The following CELF2 variants were observed in gnomAD, a reference collection of about 807,000 sequenced individuals.
CELF2 encodes CUG triplet repeat RNA-binding protein 2.
A neutral mutation model predicts 62.6 loss-of-function variants in CELF2; 8 were observed. The observed-to-expected ratio is 0.13, with a 90% CI of 0.07 to 0.23. The LOEUF is 0.23. Ranked by LOEUF, CELF2 falls within the 10% of genes least tolerant of loss-of-function variation. The probability of loss-of-function intolerance (pLI) is 1.00; values close to 1 mark genes in which losing one functional copy is unlikely to be tolerated. For synonymous variants in CELF2, 258 were observed against 250.0 expected (o/e 1.03, Z -0.30); for missense variants, 333 against 671.0 (o/e 0.50, Z 5.56).
intron 2 of CELF2, among the ~76,000 whole-genome samples, chr10:11,179,278 T>C (rs954240249): frequency 1.6e-5 from 2 of 128,552 alleles, no homozygotes; most frequent in Non-Finnish European, 3.3e-5. Context: ...AATACTGTAC[T>C]GTTAAAAAAA....
the CELF2 span, among the ~76,000 whole-genome samples, chr10:10,559,771 A>G: frequency 6.6e-6 from 1 of 152,252 alleles, no homozygotes; most frequent in Non-Finnish European, 1.5e-5. Flanking sequence ...AGCAAAGCCA[A>G]ATTCCCTTCA....
intron 2 of CELF2, among the ~76,000 whole-genome samples, chr10:10,999,181 C>T (rs779578360): frequency 1.2e-4 from 18 of 152,112 alleles, no homozygotes; most frequent in South Asian, 2.1e-4. Context: ...ACAAATTGTG[C>T]GATACAGCTG....
intron 9 of CELF2, among the ~76,000 whole-genome samples, chr10:11,312,726 C>T (rs1391228397): frequency 6.6e-6 from 1 of 152,120 alleles, no homozygotes; most frequent in Non-Finnish European, 1.5e-5. Context: ...ACGAGGTCAA[C>T]AGATTGAGGC....
In CELF2 at chr10:10,961,400, G is replaced by C. The variant is rs552276757; in HGVS notation, c.89+41401G>C. Among the ~76,000 whole-genome samples, 10 of 152,162 alleles carry C rather than the reference G, an allele frequency of 6.6e-5. No homozygotes were observed. In the South Asian group the frequency reaches 1.9e-3, roughly 28 times the overall value. ...ATATTCTCATCCAGGTGAATTTCTT[G>C]GTTTTAAAAATTAAAACAATGGTCT... On this transcript the variant is annotated intron_variant, in intron 2 of 13. Transcript: ENST00000636488.
At chr10:11,090,406 G>C (rs533643291) in intron 1 of CELF2, among the ~76,000 whole-genome samples, 38 of 151,992 alleles carry the variant, frequency 2.5e-4, no homozygotes, top group Non-Finnish European at 4.9e-4. Context: ...TGGATATGCT[G>C]CTTTTATGTA....
intron 2 of CELF2, among the ~76,000 whole-genome samples, chr10:11,215,564 T>C (rs1394760737): frequency 6.6e-6 from 1 of 150,840 alleles, no homozygotes; most frequent in African/African-American, 2.4e-5. Context: ...TTCCCAAAAG[T>C]TACCTGCCTG....
At chr10:11,148,361 T>C (rs1244162256) in intron 1 of CELF2, among the ~76,000 whole-genome samples, 2 of 152,246 alleles carry the variant, frequency 1.3e-5, no homozygotes, top group Non-Finnish European at 2.9e-5. Flanking sequence ...GCATTGCTTT[T>C]GCTGACTGGT....
In CELF2 at chr10:11,285,602, C is replaced by G. The variant is rs984241328; in HGVS notation, c.842-2816C>G. Among the ~76,000 whole-genome samples, 61 of 152,224 alleles carry G rather than the reference C, an allele frequency of 4.0e-4. No homozygotes were observed. The highest frequency in any genetic ancestry group is 1.4e-3 in the African/African-American group (58 of 41,518). On this transcript the variant is annotated intron_variant, in intron 8 of 12. Transcript: ENST00000633077. This position sits in a 1 kb window ranked among gnomAD's most constrained non-coding sequence, Gnocchi z 4.3. ...GTGAGAGAAGGACTAAACATGGGCCCTAGTAAGTATCTGTACAGTGGATTA... is the reference window on the plus strand; with the variant it reads ...GTGAGAGAAGGACTAAACATGGGCCGTAGTAAGTATCTGTACAGTGGATTA...
the CELF2 span, among the ~76,000 whole-genome samples, chr10:10,471,067 C>A: frequency 6.6e-6 from 1 of 151,242 alleles, no homozygotes; most frequent in African/African-American, 2.4e-5. Context: ...TAGGGCCATT[C>A]TAGATGTTTC....
chr10:10,577,354 A>T, the CELF2 span, among the ~76,000 whole-genome samples: 1 of 130,726 alleles, frequency 7.6e-6, no homozygotes, highest in Admixed American at 7.7e-5. Context: ...AGTTGTTCTC[A>T]ACAAATCTTT....
In CELF2 at chr10:11,321,956, TC is replaced by T. The variant is rs2095463942; in HGVS notation, c.1294+571del. Among the ~76,000 whole-genome samples the T allele has an allele frequency of 6.6e-6, 1 of 152,226 alleles. No individual in the cohort carries two copies. The highest frequency in any genetic ancestry group is 2.4e-5 in the African/African-American group (1 of 41,452). ...CAATCCCCAAATATCCTCTCACTGC[TC>T]ACCCCCTGCCATAATTAAGTTCTAT... On this transcript the variant is annotated intron_variant, in intron 11 of 12. Transcript: ENST00000633077. This position sits in a 1 kb window ranked among gnomAD's most constrained non-coding sequence, Gnocchi z 6.2.
Position 11,319,872 on chromosome 10 carries a change from C to T in CELF2, c.1097-1317C>T, listed in dbSNP as rs1391623694. ...GTAAACAGAACATTCCCCACCTGCT[C>T]TGTTAGGGCAGTAGCGTTGCTGGGC... On this transcript the variant is annotated intron_variant, in intron 10 of 12. Transcript: ENST00000633077. The surrounding 1 kb of genome is among the most constrained non-coding windows in gnomAD (Gnocchi z 4.4). 1 of 471,100 alleles carries T rather than the reference C, an allele frequency of 2.1e-6. No homozygotes were observed. The highest frequency in any genetic ancestry group is 4.4e-6 in the Non-Finnish European group (1 of 227,036). The allele number at this position is 471,100 out of a possible 1,614,324, so 29.2% of individuals were successfully genotyped here.
exon 1 of CELF2, chr10:10,798,648 A>G: frequency 2.5e-6 from 1 of 398,078 alleles, no homozygotes; most frequent in Non-Finnish European, 4.4e-6. Context: ...TCAGCCCGGG[A>G]AGGAGGGAGC....
At chr10:10,973,014 G>T (rs117260476) in intron 2 of CELF2, among the ~76,000 whole-genome samples, 3,736 of 152,298 alleles carry the variant, frequency 0.025, 74 homozygotes, top group Middle Eastern at 0.061. Flanking sequence ...AGGCAGCCGG[G>T]CACGGTGGCT....
chr10:11,275,319 G>A (rs934828526), intron 8 of CELF2, among the ~76,000 whole-genome samples, 199 bp downstream of exon 8: 52 of 152,150 alleles, frequency 3.4e-4, no homozygotes, highest in African/African-American at 1.2e-3. Context: ...ACCCACCTTC[G>A]CTGTGCATGA....
the CELF2 span, among the ~76,000 whole-genome samples, chr10:10,598,713 A>C: frequency 6.7e-6 from 1 of 148,438 alleles, no homozygotes; most frequent in Non-Finnish European, 1.5e-5. Context: ...TTTGAAAAAA[A>C]TCAAGGGCTG....
intron 2 of CELF2, among the ~76,000 whole-genome samples, chr10:10,985,018 G>A (rs1052229873): frequency 7.2e-5 from 11 of 152,018 alleles, no homozygotes; most frequent in African/African-American, 2.4e-4. Context: ...CAAACTTTTC[G>A]AGGAAATATA....
chr10:11,146,626 A>G (rs751450660), intron 1 of CELF2, among the ~76,000 whole-genome samples: 14 of 152,322 alleles, frequency 9.2e-5, no homozygotes, highest in African/African-American at 2.2e-4. Flanking sequence ...TCATTCCCCA[A>G]TGGCCACACG....
At chr10:10,584,037 C>G in the CELF2 span, among the ~76,000 whole-genome samples, 1 of 152,050 alleles carries the variant, frequency 6.6e-6, no homozygotes, top group Non-Finnish European at 1.5e-5. Flanking sequence ...CTGTCTACTC[C>G]CCTGAATAGA....
Sources: allele counts gnomAD v4.1 joint callset (sites outside exome capture counted in the v4.1 genomes callset), GRCh38; gene constraint gnomAD v4.1.1; non-coding constraint Gnocchi (gnomAD v3.1); transcripts MANE v1.5; gene names NCBI Gene and HGNC (gene_info 2026-07-23, HGNC 2026-07-21).